Variants in PCDHGA7 observed in about 807,000 individuals in gnomAD.
PCDHGA7 encodes protocadherin gamma subfamily A, 7.
Under a neutral mutation model 58.3 loss-of-function variants are expected in PCDHGA7, and 44 were observed. The ratio of observed to expected loss-of-function variants is 0.75; its 90% CI spans 0.59 to 0.97. The LOEUF is 0.97. Ranked by LOEUF, PCDHGA7 falls within the 50% of genes least tolerant of loss-of-function variation. The pLI is 0.00. For synonymous variants in PCDHGA7, 516 were observed against 504.2 expected (o/e 1.02, Z -0.31); for missense variants, 1,266 against 1,188.7 (o/e 1.06, Z -0.96).
In PCDHGA7 at chr5:141,492,378, C is replaced by T. The variant is rs144479033; in HGVS notation, c.2425-2429C>T. Among the ~76,000 whole-genome samples the T allele has an allele frequency of 1.7e-3, 262 of 152,360 alleles. 2 individuals are homozygous for T. The highest frequency in any genetic ancestry group is 3.0e-3 in the Non-Finnish European group (207 of 68,026). On this transcript the variant is annotated intron_variant, in intron 1 of 3. Coordinates refer to ENST00000518325, the MANE Select transcript of PCDHGA7 (RefSeq NM_018920.4). ...CTCGCTCGCGGCCAGATTCACAGGCCTGTTCCGGTCCACTCGCAGCTCCCC... is the reference window on the plus strand; with the variant it reads ...CTCGCTCGCGGCCAGATTCACAGGCTTGTTCCGGTCCACTCGCAGCTCCCC...
intron 1 of PCDHGA7, chr5:141,430,691 G>C (rs1479214920): frequency 1.4e-6 from 2 of 1,416,472 alleles, no homozygotes; most frequent in Non-Finnish European, 1.9e-6. Flanking sequence ...CCATTCTATG[G>C]GCGAAGGAAC....
At position 141,476,753 on chromosome 5, in the gene PCDHGA7, G is replaced by C; in HGVS notation, c.2425-18054G>C. On this transcript the variant is annotated intron_variant, in intron 1 of 3. Coordinates refer to ENST00000518325, the MANE Select transcript of PCDHGA7 (RefSeq NM_018920.4). This position sits in a 1 kb window ranked among gnomAD's most constrained non-coding sequence, Gnocchi z 7.6. Reference sequence around the variant, plus strand: ...AGAACGGGAGCCTAGTCTCCAGTTAGTGCTGACGGCGTTGGACGGAGGGAC... The same window carrying C: ...AGAACGGGAGCCTAGTCTCCAGTTACTGCTGACGGCGTTGGACGGAGGGAC... 3.1e-6 allele frequency: 5 copies of C among 1,614,012 alleles called. No individual in the cohort carries two copies. The highest frequency in any genetic ancestry group is 4.2e-6 in the Non-Finnish European group (5 of 1,180,030).
In PCDHGA7 at chr5:141,435,388, G is replaced by T. The variant is rs186494703; in HGVS notation, c.2424+50065G>T. Among the ~76,000 whole-genome samples, 241 of 152,094 alleles carry T rather than the reference G, an allele frequency of 1.6e-3. 5 individuals carry two copies. Among genetic ancestry groups the T allele is most frequent in the Non-Finnish European group, 2.1e-4 (14 of 67,992 alleles). The stretch of plus-strand genomic sequence containing the variant: ...ACTTAAATATACAATATACCGTATT[G>T]CCATGACGAAAAATGGTAAAGACTA... On this transcript the variant is annotated intron_variant, in intron 1 of 3. Transcript: ENST00000518325.
chr5:141,394,537 T>C, intron 1 of PCDHGA7: 1 of 1,614,146 alleles, frequency 6.2e-7, no homozygotes, highest in Non-Finnish European at 8.5e-7. Flanking sequence ...TCCACTGGCG[T>C]GGAGCTGGCG....
intron 1 of PCDHGA7, chr5:141,441,809 C>A: frequency 2.7e-6 from 1 of 373,176 alleles, no homozygotes; most frequent in East Asian, 9.0e-5. Context: ...GGGTGCTGTA[C>A]CCCAGCTCTG....
Position 141,384,504 on chromosome 5 carries a change from T to C in PCDHGA7, c.1605T>C (p.His535=), listed in dbSNP as rs941539151. 1 of 1,614,048 alleles carries C rather than the reference T, an allele frequency of 6.2e-7. No individual in the cohort carries two copies. Among genetic ancestry groups the C allele is most frequent in the African/African-American group, 1.3e-5 (1 of 74,942 alleles). Residue 535 remains histidine, a synonymous_variant, in exon 1 of 4, where the codon CAT becomes CAC. Coordinates refer to ENST00000518325, the MANE Select transcript of PCDHGA7 (RefSeq NM_018920.4). ...LRELQLRVTA[H]DSGDPPLSSN... is the part of the protein sequence containing the mutation. Reference sequence around the variant, plus strand: ...AACTACAACTAAGAGTGACTGCACATGACAGCGGGGACCCGCCTCTCAGCA... The same window carrying C: ...AACTACAACTAAGAGTGACTGCACACGACAGCGGGGACCCGCCTCTCAGCA...
At chr5:141,390,596 C>T (rs2092187528) in intron 1 of PCDHGA7, 1 of 329,834 alleles carries the variant, frequency 3.0e-6, no homozygotes. Context: ...GAGATTTTTC[C>T]TATACATTTT....
intron 1 of PCDHGA7, among the ~76,000 whole-genome samples, chr5:141,480,911 G>A (rs2154578422): frequency 6.6e-6 from 1 of 152,218 alleles, no homozygotes; most frequent in East Asian, 1.9e-4. Flanking sequence ...TGGGCATGGT[G>A]GCGCATACCT....
chr5:141,436,267 T>C (rs2097805427), intron 1 of PCDHGA7, among the ~76,000 whole-genome samples: 1 of 152,198 alleles, frequency 6.6e-6, no homozygotes, highest in South Asian at 2.1e-4. Flanking sequence ...TCTGCTCACC[T>C]AACTTGATTT....
chr5:141,466,496 GCA>G (rs2099123596), intron 1 of PCDHGA7, among the ~76,000 whole-genome samples: 1 of 152,120 alleles, frequency 6.6e-6, no homozygotes. Context: ...TTTAATTAGA[GCA>G]CAGACAAGAT....
intron 1 of PCDHGA7, among the ~76,000 whole-genome samples, chr5:141,459,646 T>C (rs2098972004): frequency 6.6e-6 from 1 of 152,266 alleles, no homozygotes; most frequent in Non-Finnish European, 1.5e-5. Context: ...TTTTTCAAAA[T>C]GGTAATATCA....
chr5:141,420,795 A>G (rs1046945975), intron 1 of PCDHGA7, among the ~76,000 whole-genome samples: 1 of 152,260 alleles, frequency 6.6e-6, no homozygotes, highest in Non-Finnish European at 1.5e-5. Flanking sequence ...AAAACTTTTT[A>G]AAAATTAAGC....
At chr5:141,396,891 A>G (rs1216083648) in intron 1 of PCDHGA7, among the ~76,000 whole-genome samples, 1 of 152,228 alleles carries the variant, frequency 6.6e-6, no homozygotes, top group Non-Finnish European at 1.5e-5. Flanking sequence ...AGAGGACAAC[A>G]TATTATTGGC....
intron 1 of PCDHGA7, chr5:141,395,501 A>T: frequency 2.1e-6 from 1 of 467,130 alleles, no homozygotes; most frequent in African/African-American, 2.0e-5. Context: ...TCATTCACTT[A>T]AGAAGTAGCT....
intron 1 of PCDHGA7, among the ~76,000 whole-genome samples, chr5:141,454,658 G>T (rs961640658): frequency 1.3e-5 from 2 of 151,812 alleles, no homozygotes; most frequent in Non-Finnish European, 2.9e-5. Flanking sequence ...TGCCCACCTC[G>T]GCCTCCCAAA....
At position 141,487,510 on chromosome 5, in the gene PCDHGA7, C is replaced by A; in HGVS notation, c.2425-7297C>A. On this transcript the variant is annotated intron_variant, in intron 1 of 3. Transcript: ENST00000518325. The surrounding 1 kb of genome is among the most constrained non-coding windows in gnomAD (Gnocchi z 5.0). ...GCTGTACACCCTTGGCTTCTGCACC[C>A]ACTCGGAGTGATAGCTTCATGATGG... is the stretch of plus-strand genomic sequence containing the variant. The A allele has an allele frequency of 6.2e-7, 1 of 1,614,210 alleles. No homozygotes were observed. Among genetic ancestry groups the A allele is most frequent in the Non-Finnish European group, 8.5e-7 (1 of 1,180,042 alleles).
intron 1 of PCDHGA7, among the ~76,000 whole-genome samples, chr5:141,464,417 A>C (rs2099083685): frequency 6.6e-6 from 1 of 151,564 alleles, no homozygotes; most frequent in African/African-American, 2.4e-5. Flanking sequence ...ATATATATCT[A>C]TATATATAGA....
chr5:141,400,516 C>T, intron 1 of PCDHGA7: 2 of 1,613,964 alleles, frequency 1.2e-6, no homozygotes, highest in African/African-American at 1.3e-5. Context: ...GACTTCCCAT[C>T]CTGAGTTGGT....
At chr5:141,500,145 T>C (rs2099796736) in intron 2 of PCDHGA7, among the ~76,000 whole-genome samples, 2 of 151,992 alleles carry the variant, frequency 1.3e-5, no homozygotes, top group East Asian at 3.9e-4. Context: ...TAAACTTTTC[T>C]TTGTGTAATC....
Sources: allele counts gnomAD v4.1 joint callset (sites outside exome capture counted in the v4.1 genomes callset), GRCh38; gene constraint gnomAD v4.1.1; non-coding constraint Gnocchi (gnomAD v3.1); transcripts MANE v1.5; gene names NCBI Gene and HGNC (gene_info 2026-07-23, HGNC 2026-07-21).